The following NBAS variants were observed in gnomAD, a reference collection of about 807,000 sequenced individuals.
NBAS encodes the protein NBAS subunit of NRZ tethering complex, also known as NAG/BC035112 fusion.
NBAS carries 219 observed loss-of-function variants against 302.5 expected under a neutral mutation model. The ratio of observed to expected loss-of-function variants is 0.72; its 90% CI spans 0.65 to 0.81. NBAS has a LOEUF of 0.81. NBAS is among the 30% of genes least tolerant of loss of function. NBAS has a pLI of 0.00. For synonymous variants in NBAS, 1,118 were observed against 1,021.6 expected, an observed-to-expected ratio of 1.09 and a Z score of -1.80; for missense variants, 2,932 against 2,841.6, an observed-to-expected ratio of 1.03 and a Z score of -0.72.
At chr2:14,921,633 A>C in the NBAS span, among the ~76,000 whole-genome samples, 407 of 152,322 alleles carry the variant, frequency 2.7e-3, no homozygotes, top group African/African-American at 9.4e-3. Flanking sequence ...GTGCCTGTCA[A>C]GTTCAGAGTT....
At chr2:15,074,256 A>T in the NBAS span, among the ~76,000 whole-genome samples, 1 of 152,294 alleles carries the variant, frequency 6.6e-6, no homozygotes, top group East Asian at 1.9e-4. Flanking sequence ...ATTTGATAAA[A>T]CTAAACTGGA....
the NBAS span, among the ~76,000 whole-genome samples, chr2:15,076,825 G>A: frequency 6.6e-6 from 1 of 152,214 alleles, no homozygotes; most frequent in Non-Finnish European, 1.5e-5. Context: ...CTGTTTCATG[G>A]AGGAATGGAG....
the NBAS span, among the ~76,000 whole-genome samples, chr2:15,161,015 T>C: frequency 6.6e-6 from 1 of 152,200 alleles, no homozygotes; most frequent in African/African-American, 2.4e-5. Flanking sequence ...TGGTCAATCC[T>C]TTATCCAAGT....
the NBAS span, among the ~76,000 whole-genome samples, chr2:14,992,131 T>G: frequency 1.3e-5 from 2 of 152,050 alleles, no homozygotes; most frequent in African/African-American, 4.8e-5. Flanking sequence ...CAGGAGGAGG[T>G]CCAGATTGGT....
At chr2:14,889,363 A>G in the NBAS span, among the ~76,000 whole-genome samples, 1 of 152,226 alleles carries the variant, frequency 6.6e-6, no homozygotes, top group Non-Finnish European at 1.5e-5. Context: ...TGTTTTCCAT[A>G]AATGTTCTAA....
chr2:14,808,443 G>T, the NBAS span, among the ~76,000 whole-genome samples: 1 of 152,238 alleles, frequency 6.6e-6, no homozygotes, highest in Non-Finnish European at 1.5e-5. Flanking sequence ...TTGAATCCTG[G>T]GGGCGGGTAT....
At chr2:14,946,237 T>C in the NBAS span, among the ~76,000 whole-genome samples, 1 of 152,122 alleles carries the variant, frequency 6.6e-6, no homozygotes, top group Non-Finnish European at 1.5e-5. Context: ...GATCTGAGAA[T>C]ACCAAACAGT....
chr2:15,467,352 A>G lies in NBAS; in HGVS notation c.2074T>C (p.Leu692=). 1 of 1,613,266 alleles carries G rather than the reference A, an allele frequency of 6.2e-7. No individual in the cohort carries two copies. Among genetic ancestry groups the G allele is most frequent in the South Asian group, 1.1e-5 (1 of 91,062 alleles). The part of the protein sequence containing the change: ...CRCRRKLLTY[L]DRLATYEEIL... ...ACCTCATATGTTGCAAGTCGATCTA[A>G]GTAGGTTAATAACTTCCGTCTACAA... Residue 692 remains leucine, a synonymous_variant, in exon 19 of 52, where the codon TTA becomes CTA. Transcript: ENST00000281513.
At chr2:14,834,783 A>G in the NBAS span, among the ~76,000 whole-genome samples, 1 of 152,078 alleles carries the variant, frequency 6.6e-6, no homozygotes, top group South Asian at 2.1e-4. Context: ...CTACACAGAA[A>G]GGTTAAGAAT....
chr2:15,495,193 G>A (rs1338670556), intron 11 of NBAS, among the ~76,000 whole-genome samples: 1 of 152,124 alleles, frequency 6.6e-6, no homozygotes, highest in Non-Finnish European at 1.5e-5. Context: ...CACTCTATAA[G>A]CTCTCAAAAC....
the NBAS span, among the ~76,000 whole-genome samples, chr2:14,974,275 A>G: frequency 2.0e-5 from 3 of 152,216 alleles, no homozygotes; most frequent in Non-Finnish European, 4.4e-5. Flanking sequence ...AAAAATAAAA[A>G]CCAACCAACC....
chr2:14,929,758 G>A, the NBAS span, among the ~76,000 whole-genome samples: 1 of 152,146 alleles, frequency 6.6e-6, no homozygotes, highest in Non-Finnish European at 1.5e-5. Flanking sequence ...TAGCACATGG[G>A]TTGCTAGTGC....
chr2:15,072,645 C>T, the NBAS span, among the ~76,000 whole-genome samples: 2 of 152,124 alleles, frequency 1.3e-5, no homozygotes, highest in African/African-American at 2.4e-5. Context: ...AATATTTAAA[C>T]AGTCTCAATA....
chr2:15,293,738 T>C (rs1002028325), intron 40 of NBAS, among the ~76,000 whole-genome samples: 3 of 152,192 alleles, frequency 2.0e-5, no homozygotes, highest in African/African-American at 7.2e-5. Flanking sequence ...AAGCCATTAT[T>C]CTGATCTGCA....
At position 15,456,544 on chromosome 2, in the gene NBAS, G is replaced by A. The variant is rs138428452; in HGVS notation, c.2339+4657C>T. Among the ~76,000 whole-genome samples, 226 of 152,298 alleles carry A rather than the reference G, an allele frequency of 1.5e-3. 2 individuals are homozygous for A. Among genetic ancestry groups the A allele is most frequent in the African/African-American group, 5.1e-3 (210 of 41,560 alleles). On this transcript the variant is annotated intron_variant, in intron 21 of 51. Coordinates refer to ENST00000281513, the MANE Select transcript of NBAS (RefSeq NM_015909.4). Reference sequence around the variant, plus strand: ...ACTGCAGCTACATTCGTGAACAAGAGGCAAAGTCCTTCTTTATGGATCTTA... The same window carrying A: ...ACTGCAGCTACATTCGTGAACAAGAAGCAAAGTCCTTCTTTATGGATCTTA...
the NBAS span, among the ~76,000 whole-genome samples, chr2:14,934,206 C>T: frequency 6.6e-6 from 1 of 152,148 alleles, no homozygotes; most frequent in South Asian, 2.1e-4. Context: ...CCCAGTCCCA[C>T]TCCCTAAAAG....
At chr2:15,233,866 A>C (rs759232265) in intron 46 of NBAS, among the ~76,000 whole-genome samples, 3 of 152,216 alleles carry the variant, frequency 2.0e-5, no homozygotes, top group Non-Finnish European at 2.9e-5. Flanking sequence ...AGAATTAAAA[A>C]GAATGCTTAA....
At chr2:15,260,765 C>T (rs1656274302) in intron 44 of NBAS, among the ~76,000 whole-genome samples, 2 of 152,006 alleles carry the variant, frequency 1.3e-5, no homozygotes, top group Admixed American at 1.3e-4. Context: ...ACTTTTTTGC[C>T]CAAGACCAAC....
the NBAS span, among the ~76,000 whole-genome samples, chr2:15,111,550 C>T: frequency 1.3e-5 from 2 of 152,120 alleles, no homozygotes; most frequent in African/African-American, 2.4e-5. Flanking sequence ...TTTACACACT[C>T]TAATAGCAAG....
Sources: gnomAD v4.1 joint callset for allele counts (sites outside exome capture counted in the v4.1 genomes callset) on GRCh38, gnomAD v4.1.1 for gene constraint, MANE v1.5 for transcripts, NCBI Gene and HGNC (gene_info 2026-07-23, HGNC 2026-07-21) for gene names.